The following PHACTR1 variants were observed in gnomAD, a reference collection of about 807,000 sequenced individuals.
The protein encoded by PHACTR1 is RPEL repeat containing 1.
PHACTR1 carries 16 observed loss-of-function variants against 69.2 expected under a neutral mutation model. The observed-to-expected ratio is 0.23, with a 90% CI of 0.16 to 0.35. The LOEUF (loss-of-function observed/expected upper bound fraction) is 0.35, where lower values mean the gene tolerates loss of function less well. PHACTR1 is among the 10% of genes least tolerant of loss of function. The pLI is 1.00. For missense variants in PHACTR1, 510 were observed against 734.7 expected, an observed-to-expected ratio of 0.69 and a Z score of 3.54; for synonymous variants, 312 against 284.5, an observed-to-expected ratio of 1.10 and a Z score of -0.97.
At chr6:12,865,650 T>A (rs1460664390) in intron 4 of PHACTR1, among the ~76,000 whole-genome samples, 1 of 152,240 alleles carries the variant, frequency 6.6e-6, no homozygotes, top group Non-Finnish European at 1.5e-5. Flanking sequence ...TCTGTCATCC[T>A]CTGCTTATTA....
At chr6:12,923,991 C>CA (rs1379433934) in intron 4 of PHACTR1, among the ~76,000 whole-genome samples, 6 of 152,194 alleles carry the variant, frequency 3.9e-5, no homozygotes, top group African/African-American at 1.4e-4. Flanking sequence ...AATAAGGTAA[C>CA]ATTCTAAAGT....
At chr6:12,751,137 A>G (rs1464583407) in intron 4 of PHACTR1, among the ~76,000 whole-genome samples, 1 of 152,232 alleles carries the variant, frequency 6.6e-6, no homozygotes, top group African/African-American at 2.4e-5. Context: ...CCATACCCTT[A>G]TGGCTGGAAG....
At chr6:13,236,773 C>T (rs1772052754) in intron 10 of PHACTR1, among the ~76,000 whole-genome samples, 1 of 152,128 alleles carries the variant, frequency 6.6e-6, no homozygotes, top group Non-Finnish European at 1.5e-5. Flanking sequence ...AGGATTTCAA[C>T]CTAGAAGTTT....
chr6:12,722,590 G>A (rs1160935414), intron 3 of PHACTR1, among the ~76,000 whole-genome samples: 3 of 152,314 alleles, frequency 2.0e-5, no homozygotes, highest in South Asian at 2.1e-4. Context: ...AATTTATCAT[G>A]AGAAAAATTC....
chr6:13,069,035 C>G (rs1310421217), intron 5 of PHACTR1, among the ~76,000 whole-genome samples: 6 of 152,122 alleles, frequency 3.9e-5, no homozygotes, highest in African/African-American at 1.4e-4. Context: ...CTGTACAAAA[C>G]CACAGAGACA....
intron 3 of PHACTR1, chr6:12,749,429 T>G: frequency 1.6e-6 from 1 of 607,310 alleles, no homozygotes. Context: ...TTAACGGATT[T>G]TCTTTCTCTC....
intron 4 of PHACTR1, among the ~76,000 whole-genome samples, chr6:12,866,341 G>T (rs1781449752): frequency 6.6e-6 from 1 of 151,934 alleles, no homozygotes; most frequent in Admixed American, 6.6e-5. Context: ...AAATATTTGG[G>T]TTGCATTTTA....
intron 4 of PHACTR1, among the ~76,000 whole-genome samples, chr6:12,900,420 A>C (rs1785076450): frequency 6.6e-6 from 1 of 151,972 alleles, no homozygotes; most frequent in African/African-American, 2.4e-5. Context: ...GTTCTTTTGC[A>C]TTGTCTTGGC....
chr6:12,899,362 C>A (rs1350369254), intron 4 of PHACTR1, among the ~76,000 whole-genome samples: 1 of 152,044 alleles, frequency 6.6e-6, no homozygotes, highest in East Asian at 1.9e-4. Flanking sequence ...AATAACAGCA[C>A]CCCCAGAGAA....
At chr6:12,946,724 G>T (rs1193775921) in intron 4 of PHACTR1, among the ~76,000 whole-genome samples, 1 of 150,908 alleles carries the variant, frequency 6.6e-6, no homozygotes, top group Admixed American at 6.6e-5. Flanking sequence ...AGAGAGAAAA[G>T]AATTGCAGTG....
chr6:12,747,471 C>T (rs1467200872), intron 3 of PHACTR1, among the ~76,000 whole-genome samples: 1 of 151,902 alleles, frequency 6.6e-6, no homozygotes, highest in African/African-American at 2.4e-5. Flanking sequence ...TGAGATCAGC[C>T]TGGACAACAT....
chr6:13,174,567 A>G (rs1017794783), intron 6 of PHACTR1, among the ~76,000 whole-genome samples: 4 of 152,232 alleles, frequency 2.6e-5, no homozygotes, highest in East Asian at 3.8e-4. Flanking sequence ...GATGTTCATT[A>G]TTCTCTTCTA....
At chr6:13,096,732 A>G (rs1357529154) in intron 5 of PHACTR1, among the ~76,000 whole-genome samples, 2 of 152,192 alleles carry the variant, frequency 1.3e-5, no homozygotes, top group Non-Finnish European at 2.9e-5. Flanking sequence ...ATAGTGACAA[A>G]TTTATTTATT....
intron 4 of PHACTR1, among the ~76,000 whole-genome samples, chr6:12,834,618 A>G (rs918070421): frequency 6.6e-6 from 1 of 152,200 alleles, no homozygotes; most frequent in Non-Finnish European, 1.5e-5. Flanking sequence ...TAACTATAGC[A>G]GTGGGTGGAA....
chr6:12,804,846 C>T (rs1774122988), intron 4 of PHACTR1, among the ~76,000 whole-genome samples: 1 of 152,080 alleles, frequency 6.6e-6, no homozygotes, highest in South Asian at 2.1e-4. Flanking sequence ...TTTGAATAGA[C>T]CTCAACTGAG....
At chr6:12,790,412 T>G (rs1245969061) in intron 4 of PHACTR1, among the ~76,000 whole-genome samples, 1 of 152,208 alleles carries the variant, frequency 6.6e-6, no homozygotes, top group Non-Finnish European at 1.5e-5. Context: ...CCAGGTATCA[T>G]GTAACTCACT....
intron 4 of PHACTR1, among the ~76,000 whole-genome samples, chr6:12,964,514 G>A (rs1490506730): frequency 6.6e-6 from 1 of 152,172 alleles, no homozygotes; most frequent in Non-Finnish European, 1.5e-5. Context: ...CAATTCACAG[G>A]GGAAGGCACG....
chr6:13,261,562 G>T (rs1485725215), intron 10 of PHACTR1, among the ~76,000 whole-genome samples: 1 of 152,210 alleles, frequency 6.6e-6, no homozygotes, highest in African/African-American at 2.4e-5. Flanking sequence ...GGGTGGAGTA[G>T]GAGGGTGTTC....
intron 6 of PHACTR1, among the ~76,000 whole-genome samples, chr6:13,174,771 C>T (rs1459546966): frequency 1.3e-5 from 2 of 152,092 alleles, no homozygotes; most frequent in Admixed American, 6.5e-5. Flanking sequence ...ACTAGCTCAG[C>T]ATCTACTGAG....
Sources: gnomAD v4.1 joint callset for allele counts (sites outside exome capture counted in the v4.1 genomes callset) on GRCh38, gnomAD v4.1.1 for gene constraint, MANE v1.5 for transcripts, NCBI Gene and HGNC (gene_info 2026-07-23, HGNC 2026-07-21) for gene names.